LMLN: variants seen among roughly 807,000 people sequenced by gnomAD.
LMLN encodes leishmanolysin-like peptidase.
Under a neutral mutation model 92.3 loss-of-function variants are expected in LMLN, and 70 were observed. The ratio of observed to expected loss-of-function variants is 0.76; its 90% CI spans 0.63 to 0.92. The LOEUF is 0.92. Among genes scored for constraint, LMLN ranks in the 40% least tolerant of loss-of-function variants. LMLN has a pLI of 0.00. For synonymous variants in LMLN, 308 were observed against 296.2 expected, an observed-to-expected ratio of 1.04 and a Z score of -0.41; for missense variants, 691 against 814.6, an observed-to-expected ratio of 0.85 and a Z score of 1.85.
At chr3:198,009,386 C>T (rs1426190401) in intron 11 of LMLN, among the ~76,000 whole-genome samples, 1 of 151,998 alleles carries the variant, frequency 6.6e-6, no homozygotes, top group Non-Finnish European at 1.5e-5. Context: ...TTTTGTAATT[C>T]CTCTCTTTAT....
At chr3:198,010,917 T>A (rs1722415354) in intron 11 of LMLN, among the ~76,000 whole-genome samples, 2 of 152,234 alleles carry the variant, frequency 1.3e-5, no homozygotes, top group African/African-American at 2.4e-5. Context: ...AATGTATTTT[T>A]AAAAATTTTT....
At chr3:197,969,918 C>T (rs965400038) in intron 1 of LMLN, among the ~76,000 whole-genome samples, 89 of 152,184 alleles carry the variant, frequency 5.8e-4, no homozygotes, top group African/African-American at 1.9e-3. Flanking sequence ...CCGAGGCTGG[C>T]GGATCACCTG....
chr3:197,973,984 C>T (rs1000224685), intron 1 of LMLN, among the ~76,000 whole-genome samples: 5 of 152,082 alleles, frequency 3.3e-5, no homozygotes, highest in African/African-American at 7.2e-5. Context: ...AAAATGGAAA[C>T]CTCTTTCATA....
chr3:197,995,301 A>G (rs1180462719), intron 9 of LMLN, among the ~76,000 whole-genome samples: 1 of 152,224 alleles, frequency 6.6e-6, no homozygotes, highest in East Asian at 1.9e-4. Context: ...TAAGGCTTCT[A>G]GTCCATGGTA....
rs1345751191 is a variant in LMLN, at chr3:198,025,605, A to G, written c.1656+817A>G. ...GGCTAGATTAGAACTTCGGGGCCCA[A>G]GCAATCCTCTTGCCTTGGCCTCCCA... On this transcript the variant is annotated intron_variant, in intron 14 of 15. Coordinates refer to ENST00000330198, the Ensembl canonical transcript of LMLN. This position sits in a 1 kb window ranked among gnomAD's most constrained non-coding sequence, Gnocchi z 4.3. 6.6e-6 allele frequency among the ~76,000 whole-genome samples: 1 copy of G among 152,210 alleles called. No individual in the cohort carries two copies. The highest frequency in any genetic ancestry group is 1.5e-5 in the Non-Finnish European group (1 of 68,044).
At chr3:198,017,421 C>T (rs1012054602) in intron 11 of LMLN, among the ~76,000 whole-genome samples, 4 of 150,886 alleles carry the variant, frequency 2.7e-5, no homozygotes, top group South Asian at 2.1e-4. Flanking sequence ...CAGAGCCATA[C>T]TTCTTTGAAT....
chr3:197,992,892 A>T (rs1721915673), intron 9 of LMLN, among the ~76,000 whole-genome samples: 1 of 152,210 alleles, frequency 6.6e-6, no homozygotes, highest in South Asian at 2.1e-4. Context: ...CCAACAAGAT[A>T]CTAACAAGCT....
intron 9 of LMLN, among the ~76,000 whole-genome samples, chr3:197,992,015 C>T (rs979249333): frequency 2.0e-5 from 3 of 148,508 alleles, no homozygotes; most frequent in Admixed American, 6.8e-5. Flanking sequence ...GCTCCCACCA[C>T]GATGCCTGGC....
chr3:198,024,296 A>G (rs1480519122), intron 13 of LMLN, among the ~76,000 whole-genome samples: 2 of 150,974 alleles, frequency 1.3e-5, no homozygotes, highest in East Asian at 2.0e-4. Context: ...GCTCACTGCA[A>G]GCTCCGCCTC....
chr3:197,986,970 G>A (rs1216308877), intron 8 of LMLN, among the ~76,000 whole-genome samples: 1 of 149,584 alleles, frequency 6.7e-6, no homozygotes, highest in Non-Finnish European at 1.5e-5. Context: ...CTCCCTAGTA[G>A]CTGGGACTAC....
exon 9 of LMLN, chr3:197,990,591 T>C: frequency 6.3e-7 from 1 of 1,587,774 alleles, no homozygotes; most frequent in Non-Finnish European, 8.6e-7. Flanking sequence ...GATAAAGTAG[T>C]TCGAAAAGTG....
chr3:197,970,596 C>T (rs1022400009), intron 1 of LMLN, among the ~76,000 whole-genome samples: 17 of 152,104 alleles, frequency 1.1e-4, no homozygotes, highest in African/African-American at 3.9e-4. Flanking sequence ...AGGCTGGTCA[C>T]GTAGACAAAA....
chr3:197,994,940 T>G (rs1721976932), intron 9 of LMLN, among the ~76,000 whole-genome samples: 1 of 152,224 alleles, frequency 6.6e-6, no homozygotes, highest in Non-Finnish European at 1.5e-5. Flanking sequence ...ACAGCCACAT[T>G]ACAGAATCAG....
At chr3:198,035,094 C>CTA (rs1194810461) in intron 14 of LMLN, among the ~76,000 whole-genome samples, 2 of 151,204 alleles carry the variant, frequency 1.3e-5, no homozygotes, top group Non-Finnish European at 2.9e-5. Context: ...CCCAGCTACT[C>CTA]AGGAGGCTGA....
At chr3:198,010,647 C>T (rs1286071640) in intron 11 of LMLN, among the ~76,000 whole-genome samples, 1 of 151,990 alleles carries the variant, frequency 6.6e-6, no homozygotes, top group Non-Finnish European at 1.5e-5. Context: ...GACAGGGTTT[C>T]ACTGTATTGC....
intron 12 of LMLN, among the ~76,000 whole-genome samples, chr3:198,020,536 A>G (rs1334057789): frequency 1.3e-5 from 2 of 152,162 alleles, no homozygotes; most frequent in Non-Finnish European, 2.9e-5. Flanking sequence ...AAAACGTGAC[A>G]TCTTTAAAAA....
intron 14 of LMLN, among the ~76,000 whole-genome samples, chr3:198,029,044 A>G (rs1315333603): frequency 6.6e-6 from 1 of 152,192 alleles, no homozygotes; most frequent in Non-Finnish European, 1.5e-5. Flanking sequence ...CCAGTTTAGG[A>G]GCCCTCTCTC....
chr3:198,035,992 C>T (rs149101550), exon 15 of LMLN: 2 of 1,613,864 alleles, frequency 1.2e-6, no homozygotes, highest in Non-Finnish European at 1.7e-6. Flanking sequence ...TGAGCTCTGT[C>T]CTCCAGAAAC....
intron 9 of LMLN, among the ~76,000 whole-genome samples, chr3:197,992,420 A>G (rs1192315568): frequency 1.3e-5 from 2 of 152,192 alleles, no homozygotes; most frequent in African/African-American, 4.8e-5. Flanking sequence ...TTAGACTAAG[A>G]AGATGCAAAT....
Sources: allele counts gnomAD v4.1 joint callset (sites outside exome capture counted in the v4.1 genomes callset), GRCh38; gene constraint gnomAD v4.1.1; non-coding constraint Gnocchi (gnomAD v3.1); transcripts MANE v1.5; gene names NCBI Gene and HGNC (gene_info 2026-07-23, HGNC 2026-07-21).